The following CACHD1 variants were observed in gnomAD, a reference collection of about 807,000 sequenced individuals.
CACHD1 encodes the protein VWFA and cache domain-containing protein 1.
In CACHD1, 71 loss-of-function variants were observed where a neutral mutation model predicts 138.7. That is an observed-to-expected ratio of 0.51 (90% confidence interval 0.42 to 0.62). The LOEUF (loss-of-function observed/expected upper bound fraction) is 0.62, where lower values mean the gene tolerates loss of function less well. Ranked by LOEUF, CACHD1 falls within the 20% of genes least tolerant of loss-of-function variation. The pLI, the probability that CACHD1 is intolerant of heterozygous loss-of-function variation, is 0.00. For synonymous variants in CACHD1, 578 were observed against 591.5 expected, an observed-to-expected ratio of 0.98 and a Z score of 0.33; for missense variants, 1,389 against 1,625.3, an observed-to-expected ratio of 0.85 and a Z score of 2.50.
chr1:64,663,555 A>AAG, intron 13 of CACHD1, 140 bp from the exon 14 acceptor site: 1 of 1,157,690 alleles, frequency 8.6e-7, no homozygotes, highest in Non-Finnish European at 1.2e-6. Context: ...CATCTGAAAA[A>AAG]AAAAAAAAAA....
chr1:64,480,173 A>G (rs1265536150), intron 1 of CACHD1, among the ~76,000 whole-genome samples: 1 of 152,226 alleles, frequency 6.6e-6, no homozygotes, highest in Admixed American at 6.5e-5. Context: ...ACTGGCTGCT[A>G]TGAGAACAGG....
intron 14 of CACHD1, 123 bp downstream of exon 14, chr1:64,663,960 T>G (rs1437555167): frequency 1.5e-6 from 2 of 1,295,534 alleles, no homozygotes; most frequent in Non-Finnish European, 2.1e-6. Context: ...GCTGGAGAGC[T>G]GCAGAGTGTG....
At chr1:64,690,790 G>T (rs551570493) in intron 26 of CACHD1, among the ~76,000 whole-genome samples, 1 of 152,244 alleles carries the variant, frequency 6.6e-6, no homozygotes, top group Non-Finnish European at 1.5e-5. Context: ...GATGGTGATG[G>T]TTCTTTTTGT....
chr1:64,514,831 G>A (rs1159097570), intron 1 of CACHD1, among the ~76,000 whole-genome samples: 1 of 152,072 alleles, frequency 6.6e-6, no homozygotes, highest in Admixed American at 6.5e-5. Flanking sequence ...AAATTAAGTG[G>A]CATAATTTGG....
At chr1:64,604,847 T>G (rs552287999) in intron 4 of CACHD1, among the ~76,000 whole-genome samples, 1 of 152,172 alleles carries the variant, frequency 6.6e-6, no homozygotes, top group Non-Finnish European at 1.5e-5. Context: ...GAGATGGGGT[T>G]TCACCATGTT....
rs1275682979 is a variant in CACHD1 at position 64,589,892 on chromosome 1, AAAAGTGTACT to A, written c.410+7590_410+7599del. ...CCCCTTTTATCTTTAGAAAGGATAG[AAAAGTGTACT>A]ACTAAACCTATCATTAAAATTAAGG... On this transcript the variant is annotated intron_variant, in intron 3 of 26. Transcript: ENST00000651257. 6.6e-5 allele frequency among the ~76,000 whole-genome samples: 10 copies of A among 152,346 alleles called. No homozygotes were observed. In the East Asian group the frequency reaches 1.2e-3, roughly 18 times the overall value.
At chr1:64,558,939 A>G (rs1262320447) in intron 2 of CACHD1, among the ~76,000 whole-genome samples, 1 of 152,222 alleles carries the variant, frequency 6.6e-6, no homozygotes, top group Non-Finnish European at 1.5e-5. Flanking sequence ...TCAGAACCAC[A>G]ATGAGATACC....
At chr1:64,509,219 C>T (rs1245557038) in intron 1 of CACHD1, among the ~76,000 whole-genome samples, 1 of 152,160 alleles carries the variant, frequency 6.6e-6, no homozygotes, top group Non-Finnish European at 1.5e-5. Flanking sequence ...TAGCAAAAGG[C>T]TCTATAACTC....
intron 9 of CACHD1, among the ~76,000 whole-genome samples, chr1:64,648,700 C>T (rs925913565): frequency 1.3e-5 from 2 of 152,096 alleles, no homozygotes; most frequent in African/African-American, 2.4e-5. Context: ...TCAGCATCAC[C>T]GTCATCCTGA....
intron 2 of CACHD1, among the ~76,000 whole-genome samples, chr1:64,569,469 T>C (rs770239480): frequency 3.9e-5 from 6 of 152,158 alleles, no homozygotes; most frequent in Admixed American, 3.3e-4. Flanking sequence ...TTGATTCTCA[T>C]AGTTTGTGTT....
chr1:64,651,025 G>A (rs1386100830), intron 9 of CACHD1, among the ~76,000 whole-genome samples: 11 of 152,094 alleles, frequency 7.2e-5, no homozygotes, highest in Non-Finnish European at 1.2e-4. Context: ...TCGGGGCCAT[G>A]CATTGACCCA....
intron 8 of CACHD1, among the ~76,000 whole-genome samples, chr1:64,643,574 T>C (rs144960986): frequency 0.097 from 14,816 of 152,228 alleles, 971 homozygotes; most frequent in African/African-American, 0.18. Context: ...CGGTGGCTCA[T>C]GCCTGTAATC....
At chr1:64,542,827 T>A (rs76278891) in intron 1 of CACHD1, among the ~76,000 whole-genome samples, 3,187 of 152,224 alleles carry the variant, frequency 0.021, 50 homozygotes, top group Non-Finnish European at 0.033. Context: ...ATCAAATTAA[T>A]CTCTCAGAAC....
intron 1 of CACHD1, among the ~76,000 whole-genome samples, chr1:64,478,317 G>A (rs1360243149): frequency 1.3e-5 from 2 of 152,138 alleles, no homozygotes; most frequent in Admixed American, 1.3e-4. Context: ...ACAAGACTGG[G>A]AGGGTCCTTG....
chr1:64,515,726 C>T (rs1320820306), intron 1 of CACHD1, among the ~76,000 whole-genome samples: 1 of 152,060 alleles, frequency 6.6e-6, no homozygotes, highest in East Asian at 1.9e-4. Context: ...TGAAGAAAGG[C>T]CTGTTATCTG....
chr1:64,631,932 G>A (rs1648319548), intron 5 of CACHD1, among the ~76,000 whole-genome samples: 1 of 152,034 alleles, frequency 6.6e-6, no homozygotes, highest in South Asian at 2.1e-4. Flanking sequence ...CTCTTAGCAG[G>A]AGCCTTTGTA....
At chr1:64,588,831 AC>A (rs989177653) in intron 3 of CACHD1, among the ~76,000 whole-genome samples, 2 of 152,214 alleles carry the variant, frequency 1.3e-5, no homozygotes, top group Admixed American at 1.3e-4. Context: ...AGCATAAGCT[AC>A]GGAGGAAATA....
intron 2 of CACHD1, among the ~76,000 whole-genome samples, chr1:64,551,529 A>G (rs1646758950): frequency 6.6e-6 from 1 of 152,126 alleles, no homozygotes; most frequent in Non-Finnish European, 1.5e-5. Context: ...CAAGCTAAAA[A>G]CCAGAGTGTA....
At chr1:64,474,694 A>AAAC (rs757825048) in intron 1 of CACHD1, among the ~76,000 whole-genome samples, 87 of 152,392 alleles carry the variant, frequency 5.7e-4, no homozygotes, top group Non-Finnish European at 1.0e-3. Flanking sequence ...CCAGCTAAGT[A>AAAC]ACAATGCCTG....
Sources: allele counts gnomAD v4.1 joint callset (sites outside exome capture counted in the v4.1 genomes callset), GRCh38; gene constraint gnomAD v4.1.1; transcripts MANE v1.5; gene names NCBI Gene and HGNC (gene_info 2026-07-23, HGNC 2026-07-21).